MGAT4C: variants seen among roughly 807,000 people sequenced by gnomAD.
The protein encoded by MGAT4C is MGAT4 family member C, also known as alpha-1,3-mannosyl-glycoprotein 4-beta-N-acetylglucosaminyltransferase C.
Under a neutral mutation model 40.1 loss-of-function variants are expected in MGAT4C, and 19 were observed. The observed-to-expected ratio is 0.47, with a 90% CI of 0.33 to 0.70. The LOEUF is 0.70. Ranked by LOEUF, MGAT4C falls within the 30% of genes least tolerant of loss-of-function variation. The pLI is 0.02. For missense variants in MGAT4C, 491 were observed against 563.2 expected (o/e 0.87, Z 1.30); for synonymous variants, 181 against 187.1 (o/e 0.97, Z 0.27).
At chr12:86,769,064 C>G (rs536322530) in intron 1 of MGAT4C, among the ~76,000 whole-genome samples, 1 of 152,072 alleles carries the variant, frequency 6.6e-6, no homozygotes, top group Admixed American at 6.6e-5. Context: ...AAGAAACTAC[C>G]ATCAGAGTGA....
At chr12:86,367,260 G>A (rs978346874) in intron 3 of MGAT4C, among the ~76,000 whole-genome samples, 2 of 151,884 alleles carry the variant, frequency 1.3e-5, no homozygotes, top group Admixed American at 6.6e-5. Context: ...AAGTTTCTTG[G>A]GTAACTGCCA....
chr12:86,437,566 A>G (rs1421169580), intron 2 of MGAT4C, among the ~76,000 whole-genome samples: 1 of 151,926 alleles, frequency 6.6e-6, no homozygotes, highest in Admixed American at 6.6e-5. Context: ...ACAAGAACAC[A>G]TTGTTTTATT....
At chr12:86,327,086 G>C (rs1299888932) in intron 4 of MGAT4C, among the ~76,000 whole-genome samples, 2 of 151,980 alleles carry the variant, frequency 1.3e-5, no homozygotes, top group East Asian at 3.9e-4. Context: ...AGACATGTAA[G>C]GACTAATGCA....
intron 2 of MGAT4C, among the ~76,000 whole-genome samples, chr12:86,706,815 C>T (rs1317214119): frequency 6.6e-6 from 1 of 152,008 alleles, no homozygotes; most frequent in East Asian, 1.9e-4. Flanking sequence ...TGGCTGTGTC[C>T]CTGCCCAAAT....
chr12:86,049,547 G>T (rs1892706939), intron 2 of MGAT4C, 127 bp downstream of exon 2: 1 of 265,108 alleles, frequency 3.8e-6, no homozygotes, highest in South Asian at 1.4e-4. Flanking sequence ...TAAAACTGAT[G>T]AGAAAATATT....
Position 85,973,488 on chromosome 12 carries a change from ATAAAG to A in MGAT4C, c.*5796_*5800del, listed in dbSNP as rs1191336357. 5 of 150,812 alleles carry A rather than the reference ATAAAG, an allele frequency of 3.3e-5. No homozygotes were observed. The highest frequency in any genetic ancestry group is 6.6e-5 in the Admixed American group (1 of 15,074). The allele number at this position is 150,812 out of a possible 1,614,324, so 9.3% of individuals were successfully genotyped here. A position where few individuals can be genotyped will look rare whatever the true frequency, so the allele number is the denominator to read the frequency against. On this transcript the variant is annotated 3_prime_UTR_variant, in exon 5 of 5. Transcript: ENST00000611864. ...TTGTGCACCTTTAAACAACTCTTAA[ATAAAG>A]TAATGATTCTCTTTATATTAAATTT...
At chr12:86,745,194 C>T (rs994638142) in intron 1 of MGAT4C, 12 of 151,350 alleles carry the variant, frequency 7.9e-5, no homozygotes, top group African/African-American at 2.9e-4. Context: ...AAAAAATGGG[C>T]TCTTCACCAT....
intron 2 of MGAT4C, among the ~76,000 whole-genome samples, chr12:86,636,346 G>A (rs576391925): frequency 6.6e-6 from 1 of 151,980 alleles, no homozygotes; most frequent in Non-Finnish European, 1.5e-5. Context: ...TATATCCCCA[G>A]TAAGTTCCCT....
intron 4 of MGAT4C, among the ~76,000 whole-genome samples, chr12:86,329,422 T>C (rs1205818256): frequency 6.6e-6 from 1 of 152,150 alleles, no homozygotes; most frequent in Non-Finnish European, 1.5e-5. Context: ...TGATCTACTT[T>C]AATATGTAAC....
Position 86,030,151 on chromosome 12 carries a change from C to T in MGAT4C, c.-7+19523G>A, listed in dbSNP as rs141438270. Among the ~76,000 whole-genome samples the T allele has an allele frequency of 2.7e-3, 407 of 151,608 alleles. 3 individuals carry two copies. Among genetic ancestry groups the T allele is most frequent in the African/African-American group, 9.0e-3 (374 of 41,428 alleles). On this transcript the variant is annotated intron_variant, in intron 2 of 4. Transcript: ENST00000611864. ...TACAAGAGAGACACAGGAGTCTCAG[C>T]GATTGAAATAATTTTCCCATGTAGA... is the stretch of plus-strand genomic sequence containing the variant.
intron 2 of MGAT4C, among the ~76,000 whole-genome samples, chr12:86,690,114 T>G (rs1028932363): frequency 1.3e-5 from 2 of 152,142 alleles, no homozygotes; most frequent in Admixed American, 1.3e-4. Context: ...GTTTACACTA[T>G]TAGGGGAAAA....
At chr12:86,744,861 A>G (rs1951128481) in intron 1 of MGAT4C, among the ~76,000 whole-genome samples, 1 of 151,532 alleles carries the variant, frequency 6.6e-6, no homozygotes, top group African/African-American at 2.4e-5. Flanking sequence ...CAATTTTATG[A>G]CAAGGATCCA....
chr12:86,720,828 C>T (rs866243465), intron 2 of MGAT4C, among the ~76,000 whole-genome samples: 1 of 152,034 alleles, frequency 6.6e-6, no homozygotes, highest in Middle Eastern at 3.2e-3. Context: ...TATAGAAATT[C>T]AAGAAGATAA....
chr12:86,677,891 T>C (rs944669541), intron 2 of MGAT4C, among the ~76,000 whole-genome samples: 1 of 152,142 alleles, frequency 6.6e-6, no homozygotes, highest in African/African-American at 2.4e-5. Flanking sequence ...CGAAAGACTA[T>C]TGGTCTTCTT....
intron 4 of MGAT4C, among the ~76,000 whole-genome samples, chr12:86,290,952 GA>G (rs35541082): frequency 6.6e-6 from 1 of 152,124 alleles, no homozygotes. Flanking sequence ...AGGAAGCTCG[GA>G]AAAAGGTAAG....
chr12:86,358,787 T>C (rs1379500991), intron 3 of MGAT4C, among the ~76,000 whole-genome samples: 2 of 152,222 alleles, frequency 1.3e-5, no homozygotes. Context: ...CTATCCTAAA[T>C]GTATATGCAC....
intron 3 of MGAT4C, among the ~76,000 whole-genome samples, chr12:85,987,372 C>T (rs1305229461): frequency 2.0e-5 from 3 of 151,538 alleles, no homozygotes; most frequent in East Asian, 1.9e-4. Flanking sequence ...CTCCTGACCT[C>T]GTGATCCGCC....
chr12:86,822,544 A>G (rs1260750669), intron 1 of MGAT4C, among the ~76,000 whole-genome samples: 2 of 137,260 alleles, frequency 1.5e-5, no homozygotes, highest in African/African-American at 2.6e-5. Flanking sequence ...GGACAGCTAT[A>G]CTTATATCAG....
rs375433769 is a variant in MGAT4C, at chr12:86,254,612, G to GA, written c.-57+1626dup. On this transcript the variant is annotated intron_variant, in intron 1 of 4. Transcript: ENST00000611864. ...CTTCACTATAGAGTACTTAGGGAAA[G>GA]AAAAAAAATTCATTTCAAAGCAGTG... is the stretch of plus-strand genomic sequence containing the variant. Among the ~76,000 whole-genome samples the GA allele has an allele frequency of 3.3e-5, 5 of 151,894 alleles. No homozygotes were observed. In the East Asian group the frequency reaches 7.7e-4, roughly 24 times the overall value.
Sources: gnomAD v4.1 joint callset for allele counts (sites outside exome capture counted in the v4.1 genomes callset) on GRCh38, gnomAD v4.1.1 for gene constraint, MANE v1.5 for transcripts, NCBI Gene and HGNC (gene_info 2026-07-23, HGNC 2026-07-21) for gene names.